Variants in PHF2 observed in about 807,000 individuals in gnomAD.
PHF2 encodes the protein lysine-specific demethylase PHF2.
A neutral mutation model predicts 120.5 loss-of-function variants in PHF2; 27 were observed. The ratio of observed to expected loss-of-function variants is 0.22; its 90% CI spans 0.17 to 0.31. The LOEUF is 0.31. Among genes scored for constraint, PHF2 ranks in the 10% least tolerant of loss-of-function variants. The pLI, the probability that PHF2 is intolerant of heterozygous loss-of-function variation, is 1.00. For synonymous variants in PHF2, 568 were observed against 592.5 expected (o/e 0.96, Z 0.60); for missense variants, 1,024 against 1,434.8 (o/e 0.71, Z 4.63).
chr9:93,636,344 G>C, intron 2 of PHF2, 67 bp from the exon 3 acceptor site: 2 of 1,277,542 alleles, frequency 1.6e-6, no homozygotes, highest in Admixed American at 2.0e-5. Flanking sequence ...AAGGTTCTTA[G>C]GGGAAGTTGT....
chr9:93,611,253 T>C (rs1399182006), intron 1 of PHF2, among the ~76,000 whole-genome samples: 1 of 151,996 alleles, frequency 6.6e-6, no homozygotes, highest in African/African-American at 2.4e-5. Context: ...CCATATCTAC[T>C]AAAAATACAA....
chr9:93,579,107 A>G (rs951457839), intron 1 of PHF2, among the ~76,000 whole-genome samples: 2 of 152,158 alleles, frequency 1.3e-5, no homozygotes, highest in Non-Finnish European at 2.9e-5. Context: ...TACAGCTCTC[A>G]CAGCCCTGGG....
Position 93,630,385 on chromosome 9 carries a change from G to A in PHF2, c.184+330G>A, listed in dbSNP as rs117071279. On this transcript the variant is annotated intron_variant, in intron 2 of 21. Coordinates refer to ENST00000359246, the MANE Select transcript of PHF2 (RefSeq NM_005392.4). ...TGGGGACCTGGATAAATGGTGATGC[G>A]GGGGTTTTCTAGGGGCCCCCAGCCT... 4.3e-4 allele frequency among the ~76,000 whole-genome samples: 65 copies of A among 152,358 alleles called. No individual in the cohort carries two copies. In the East Asian group the frequency reaches 0.011, roughly 25 times the overall value.
chr9:93,622,278 C>G (rs1021027014), intron 1 of PHF2, among the ~76,000 whole-genome samples: 3 of 152,226 alleles, frequency 2.0e-5, no homozygotes, highest in Non-Finnish European at 2.9e-5. Flanking sequence ...GTCCATACAC[C>G]GAGCCTGAGG....
Position 93,676,620 on chromosome 9 carries a change from G to A in PHF2, c.2859G>A (p.Lys953=). 6.2e-7 allele frequency: 1 copy of A among 1,601,464 alleles called. No individual in the cohort carries two copies. Among genetic ancestry groups the A allele is most frequent in the Non-Finnish European group, 8.5e-7 (1 of 1,171,132 alleles). ...QQEEQKSKKK[K]SAKRKLTPNT... ...AGGAGCAGAAAAGCAAGAAAAAAAA[G>A]AGTGCCAAGAGGAAGCTGACTCCTA... The change falls in exon 21 of 22, where the codon AAG becomes AAA. Residue 953 remains lysine (K), a synonymous_variant. Coordinates refer to ENST00000359246, the MANE Select transcript of PHF2 (RefSeq NM_005392.4).
intron 1 of PHF2, among the ~76,000 whole-genome samples, chr9:93,578,314 G>A (rs1862871699): frequency 6.6e-6 from 1 of 152,150 alleles, no homozygotes; most frequent in African/African-American, 2.4e-5. Flanking sequence ...AAGGGAGACT[G>A]AGTGTGAACA....
At chr9:93,655,261 C>T (rs1423280630) in intron 7 of PHF2, among the ~76,000 whole-genome samples, 3 of 144,382 alleles carry the variant, frequency 2.1e-5, no homozygotes, top group African/African-American at 5.2e-5. Flanking sequence ...ATTTTTAAAT[C>T]GTTTTATAGG....
chr9:93,576,943 C>T (rs1862829903), intron 1 of PHF2, 72 bp downstream of exon 1: 2 of 633,548 alleles, frequency 3.2e-6, no homozygotes, highest in Non-Finnish European at 3.9e-6. Flanking sequence ...CCCCGCGCCC[C>T]CGGCTGCGCG....
At chr9:93,660,093 C>A in intron 11 of PHF2, 99 bp from the exon 12 acceptor site, 1 of 1,402,872 alleles carries the variant, frequency 7.1e-7, no homozygotes, top group South Asian at 1.5e-5. Context: ...AGTTCCCCGC[C>A]AGCCTGGCAC....
intron 2 of PHF2, among the ~76,000 whole-genome samples, chr9:93,631,054 C>A (rs1825993538): frequency 6.6e-6 from 1 of 152,164 alleles, no homozygotes; most frequent in South Asian, 2.1e-4. Context: ...AGCACCAGAC[C>A]CCCGGACCCC....
At chr9:93,618,390 CGCAT>C (rs946979410) in intron 1 of PHF2, among the ~76,000 whole-genome samples, 15 of 152,264 alleles carry the variant, frequency 9.9e-5, no homozygotes, top group African/African-American at 3.4e-4. Flanking sequence ...GACACGCATA[CGCAT>C]GCATACACAT....
At position 93,663,558 on chromosome 9, in the gene PHF2, G is replaced by A. The variant is rs754911666; in HGVS notation, c.1860G>A (p.Gln620=). 3.1e-6 allele frequency: 5 copies of A among 1,613,494 alleles called. No individual in the cohort carries two copies. The South Asian group carries it at 4.4e-5, about 14-fold the overall frequency. The change falls in exon 14 of 22, where the codon CAG becomes CAA. Residue 620 remains glutamine (Q), a synonymous_variant. Coordinates refer to ENST00000359246, the MANE Select transcript of PHF2 (RefSeq NM_005392.4). ...CCTTACTGAAGATGGAAGAGGAGCA[G>A]AAGCTAGAGAAGTCGCCTCTAGCTG... is the stretch of plus-strand genomic sequence containing the variant. ...PDSLLKMEEE[Q]KLEKSPLAGN...
At chr9:93,609,077 TA>T (rs1422785198) in intron 1 of PHF2, among the ~76,000 whole-genome samples, 1 of 90,414 alleles carries the variant, frequency 1.1e-5, no homozygotes, top group Non-Finnish European at 3.0e-5. Flanking sequence ...AACGCTTTTT[TA>T]AAAAACTTTT....
intron 18 of PHF2, among the ~76,000 whole-genome samples, chr9:93,674,567 G>A (rs1274048239): frequency 1.3e-5 from 2 of 152,158 alleles, no homozygotes; most frequent in Non-Finnish European, 1.5e-5. Context: ...TCCTCCAGGT[G>A]GGGCCTCTGG....
At chr9:93,661,469 G>A (rs907418921) in intron 12 of PHF2, among the ~76,000 whole-genome samples, 2 of 152,176 alleles carry the variant, frequency 1.3e-5, no homozygotes, top group Non-Finnish European at 2.9e-5. Flanking sequence ...ATGGATGAAT[G>A]AATGAATCAG....
intron 1 of PHF2, among the ~76,000 whole-genome samples, chr9:93,621,859 C>T (rs1825833022): frequency 6.6e-6 from 1 of 152,206 alleles, no homozygotes; most frequent in Non-Finnish European, 1.5e-5. Context: ...GACTGCAGCT[C>T]TAACTCCCAT....
chr9:93,608,689 T>C (rs1825585312), intron 1 of PHF2, among the ~76,000 whole-genome samples: 1 of 152,226 alleles, frequency 6.6e-6, no homozygotes, highest in Non-Finnish European at 1.5e-5. Context: ...TTTGAGGAAT[T>C]GGTCTGTTTT....
At position 93,667,220 on chromosome 9, in the gene PHF2, G is replaced by A. The variant is rs752889534; in HGVS notation, c.2328G>A (p.Ala776=). Residue 776 remains alanine, a synonymous_variant, in exon 17 of 22, where the codon GCG becomes GCA. Transcript: ENST00000359246. ...TGCAGGCCAGTGAGGAGGTTGGCGCGCTGGAGTACAACCCCAGCAGGTGGG... is the reference window on the plus strand; with the variant it reads ...TGCAGGCCAGTGAGGAGGTTGGCGCACTGGAGTACAACCCCAGCAGGTGGG... ...DLLQASEEVG[A]LEYNPSSQPP... 3.0e-5 allele frequency: 48 copies of A among 1,610,868 alleles called. No homozygotes were observed. The South Asian group carries it at 5.0e-4, about 17-fold the overall frequency.
chr9:93,645,940 G>C (rs1265155675), intron 4 of PHF2, 151 bp downstream of exon 4: 1 of 905,614 alleles, frequency 1.1e-6, no homozygotes, highest in African/African-American at 1.7e-5. Flanking sequence ...TGTTCCCGGT[G>C]CTCTTAGTTC....
Sources: gnomAD v4.1 joint callset for allele counts (sites outside exome capture counted in the v4.1 genomes callset) on GRCh38, gnomAD v4.1.1 for gene constraint, MANE v1.5 for transcripts, NCBI Gene and HGNC (gene_info 2026-07-23, HGNC 2026-07-21) for gene names.